GDI2: variants seen among roughly 807,000 people sequenced by gnomAD.
GDI2 encodes the protein GDP dissociation inhibitor 2.
Under a neutral mutation model 54.2 loss-of-function variants are expected in GDI2, and 22 were observed. The observed-to-expected ratio is 0.41, with a 90% CI of 0.29 to 0.58. The LOEUF is 0.58. GDI2 is among the 20% of genes least tolerant of loss of function. The pLI is 0.35. For synonymous variants in GDI2, 177 were observed against 182.1 expected, an observed-to-expected ratio of 0.97 and a Z score of 0.23; for missense variants, 422 against 546.0, an observed-to-expected ratio of 0.77 and a Z score of 2.26.
chr10:5,792,823 T>C (rs2131705908), intron 4 of GDI2, among the ~76,000 whole-genome samples: 1 of 152,064 alleles, frequency 6.6e-6, no homozygotes, highest in African/African-American at 2.4e-5. Flanking sequence ...GTAAATGTTT[T>C]ATATATCTGA....
chr10:5,809,990 G>A (rs1319650106), intron 1 of GDI2, among the ~76,000 whole-genome samples: 2 of 152,188 alleles, frequency 1.3e-5, no homozygotes, highest in South Asian at 2.1e-4. Flanking sequence ...GCTCACTACT[G>A]TAGTGAATAG....
Position 5,797,543 on chromosome 10 carries a change from CAAA to C in GDI2, c.154-684_154-682del, listed in dbSNP as rs772570487. 8.7e-3 allele frequency among the ~76,000 whole-genome samples: 396 copies of C among 45,328 alleles called. 1 individual carries two copies. Among genetic ancestry groups the C allele is most frequent in the African/African-American group, 0.036 (384 of 10,624 alleles). The allele number at this position is 45,328 out of a possible 152,430, so 29.7% of individuals were successfully genotyped here. A position where few individuals can be genotyped will look rare whatever the true frequency, so the allele number is the denominator to read the frequency against. On this transcript the variant is annotated intron_variant, in intron 2 of 10. Coordinates refer to ENST00000380191, the MANE Select transcript of GDI2 (RefSeq NM_001494.4). ...CTAGTGACAGAGTGAGACTCCATCT[CAAA>C]AAAAAAAAAAAAAAAAAAAAAATTA... is the stretch of plus-strand genomic sequence containing the variant.
chr10:5,772,500 T>G lies in GDI2; in HGVS notation c.819+1342A>C, dbSNP rs192078177. 4.7e-3 allele frequency among the ~76,000 whole-genome samples: 712 copies of G among 152,324 alleles called. 6 individuals carry two copies. The highest frequency in any genetic ancestry group is 0.016 in the African/African-American group (668 of 41,564). On this transcript the variant is annotated intron_variant, in intron 7 of 10. Coordinates refer to ENST00000380191, the MANE Select transcript of GDI2 (RefSeq NM_001494.4). ...GGCCAGGCACAGTGGCTCATGCCTG[T>G]AATCCCAACACTTTGGGAGGCTGAG...
intron 1 of GDI2, among the ~76,000 whole-genome samples, chr10:5,801,268 T>C (rs760854916): frequency 2.0e-5 from 3 of 152,218 alleles, no homozygotes; most frequent in African/African-American, 4.8e-5. Context: ...ACCTTTTCAG[T>C]GTTGACACTT....
In GDI2 at chr10:5,809,559, T is replaced by G. The variant is rs149069312; in HGVS notation, c.45+3655A>C. ...CTTTACGAAGGTTTTCCTGATTCCC[T>G]GACTGAACTCATATAAGTGCACCTC... On this transcript the variant is annotated intron_variant, in intron 1 of 10. Coordinates refer to ENST00000380191, the MANE Select transcript of GDI2 (RefSeq NM_001494.4). 4.1e-3 allele frequency among the ~76,000 whole-genome samples: 626 copies of G among 152,370 alleles called. 5 individuals are homozygous for G. Among genetic ancestry groups the G allele is most frequent in the African/African-American group, 0.014 (575 of 41,588 alleles).
intron 6 of GDI2, among the ~76,000 whole-genome samples, chr10:5,775,080 G>A (rs1415585904): frequency 6.6e-6 from 1 of 152,202 alleles, no homozygotes; most frequent in East Asian, 1.9e-4. Context: ...TTGAACGCAG[G>A]AGTTTAAGAC....
intron 1 of GDI2, among the ~76,000 whole-genome samples, chr10:5,810,087 A>G (rs1296568024): frequency 2.0e-5 from 3 of 152,240 alleles, no homozygotes; most frequent in Non-Finnish European, 2.9e-5. Context: ...CCAAGAGGCA[A>G]TCTGAATTTT....
At chr10:5,777,200 C>T (rs1269591343) in intron 6 of GDI2, among the ~76,000 whole-genome samples, 3 of 152,178 alleles carry the variant, frequency 2.0e-5, no homozygotes, top group South Asian at 2.1e-4. Flanking sequence ...ATGCCAGGCA[C>T]GGTGGCTCAT....
chr10:5,800,492 CAT>C, intron 2 of GDI2, 104 bp downstream of exon 2: 1 of 715,418 alleles, frequency 1.4e-6, no homozygotes, highest in East Asian at 2.5e-5. Flanking sequence ...CCAGATATTC[CAT>C]TTAACAAAAC....
intron 6 of GDI2, 78 bp downstream of exon 6, chr10:5,785,064 A>G (rs1429133349): frequency 8.6e-5 from 83 of 960,814 alleles, no homozygotes; most frequent in Non-Finnish European, 1.6e-5. Flanking sequence ...TCATCTCATT[A>G]TTTAAACTAT....
At chr10:5,781,049 A>C (rs533502312) in intron 6 of GDI2, among the ~76,000 whole-genome samples, 1 of 152,300 alleles carries the variant, frequency 6.6e-6, no homozygotes, top group East Asian at 1.9e-4. Context: ...CAAATCACTG[A>C]AACAAAACTG....
intron 3 of GDI2, 139 bp downstream of exon 3, chr10:5,796,624 G>A: frequency 8.7e-6 from 5 of 573,704 alleles, no homozygotes; most frequent in Non-Finnish European, 1.6e-5. Context: ...GACATCTAAT[G>A]GACCATGTTA....
At position 5,813,345 on chromosome 10, in the gene GDI2, G is replaced by T; in HGVS notation, c.-87C>A. On this transcript the variant is annotated 5_prime_UTR_variant, in exon 1 of 11. Coordinates refer to ENST00000380191, the MANE Select transcript of GDI2 (RefSeq NM_001494.4). Reference sequence around the variant, plus strand: ...CCTACGAGGCTGGGAGGCGCTCTTGGGCGCGAAGGAAAGGGGAAGAGAAAG... The same window carrying T: ...CCTACGAGGCTGGGAGGCGCTCTTGTGCGCGAAGGAAAGGGGAAGAGAAAG... 1 of 982,200 alleles carries T rather than the reference G, an allele frequency of 1.0e-6. No homozygotes were observed. Among genetic ancestry groups the T allele is most frequent in the East Asian group, 2.8e-5 (1 of 36,016 alleles). 60.8% of individuals were successfully genotyped at this position (982,200 alleles called of 1,614,324 possible).
intron 1 of GDI2, among the ~76,000 whole-genome samples, chr10:5,807,518 C>A (rs542744376): frequency 2.6e-5 from 4 of 152,170 alleles, no homozygotes; most frequent in Admixed American, 6.5e-5. Flanking sequence ...CTACAAATGA[C>A]CTAAGCAGGA....
At chr10:5,790,735 G>C (rs1166246931) in intron 4 of GDI2, among the ~76,000 whole-genome samples, 1 of 151,998 alleles carries the variant, frequency 6.6e-6, no homozygotes, top group African/African-American at 2.4e-5. Flanking sequence ...TCAACAACAG[G>C]CTATTAGTAG....
chr10:5,790,678 A>G (rs767395306), intron 4 of GDI2, among the ~76,000 whole-genome samples: 11 of 152,076 alleles, frequency 7.2e-5, no homozygotes, highest in Non-Finnish European at 1.2e-4. Flanking sequence ...TACAAAATAA[A>G]TGTTAATCAA....
chr10:5,783,770 C>G (rs909085546), intron 6 of GDI2, among the ~76,000 whole-genome samples: 1 of 152,200 alleles, frequency 6.6e-6, no homozygotes, highest in Non-Finnish European at 1.5e-5. Flanking sequence ...GATAGGATCC[C>G]AATCCCTTCT....
At chr10:5,781,594 C>T (rs1234817393) in intron 6 of GDI2, among the ~76,000 whole-genome samples, 10 of 140,534 alleles carry the variant, frequency 7.1e-5, no homozygotes, top group Non-Finnish European at 1.1e-4. Flanking sequence ...CACTGCAATC[C>T]GGCCTGGGCA....
At chr10:5,777,771 A>C (rs1840659471) in intron 6 of GDI2, among the ~76,000 whole-genome samples, 1 of 152,204 alleles carries the variant, frequency 6.6e-6, no homozygotes, top group Middle Eastern at 3.2e-3. Flanking sequence ...CTGACCCAGC[A>C]ATCCCATTAC....
Sources: gnomAD v4.1 joint callset for allele counts (sites outside exome capture counted in the v4.1 genomes callset) on GRCh38, gnomAD v4.1.1 for gene constraint, MANE v1.5 for transcripts, NCBI Gene and HGNC (gene_info 2026-07-23, HGNC 2026-07-21) for gene names.